Variants in PSD3 observed in about 807,000 individuals in gnomAD.
PSD3 encodes pleckstrin and Sec7 domain containing 3.
PSD3 carries 49 observed loss-of-function variants against 105.5 expected under a neutral mutation model. The observed-to-expected ratio is 0.46, with a 90% CI of 0.37 to 0.59. The LOEUF (loss-of-function observed/expected upper bound fraction) is 0.59. Among genes scored for constraint, PSD3 ranks in the 20% least tolerant of loss-of-function variants. The probability of loss-of-function intolerance (pLI) is 0.00; values close to 1 mark genes in which losing one functional copy is unlikely to be tolerated. For synonymous variants in PSD3, 557 were observed against 457.8 expected (o/e 1.22, Z -2.77); for missense variants, 1,561 against 1,263.8 (o/e 1.24, Z -3.57).
At chr8:18,840,541 G>T (rs140405447) in intron 4 of PSD3, among the ~76,000 whole-genome samples, 5,859 of 152,322 alleles carry the variant, frequency 0.038, 117 homozygotes, top group Admixed American at 0.069. Flanking sequence ...GGTCTAAGAC[G>T]TTTACAGGCA....
intron 8 of PSD3, among the ~76,000 whole-genome samples, chr8:18,789,079 G>A (rs1318735882): frequency 1.3e-5 from 2 of 152,016 alleles, no homozygotes; most frequent in African/African-American, 4.8e-5. Context: ...TCTCCCACCT[G>A]TCCTATAATA....
At chr8:18,828,042 T>C (rs1190828740) in intron 4 of PSD3, among the ~76,000 whole-genome samples, 1 of 125,910 alleles carries the variant, frequency 7.9e-6, no homozygotes, top group Non-Finnish European at 1.6e-5. Context: ...ATATAATATA[T>C]ATATGTATAT....
chr8:19,074,584 G>T (rs1366989554), intron 1 of PSD3, among the ~76,000 whole-genome samples: 37 of 99,530 alleles, frequency 3.7e-4, no homozygotes, highest in African/African-American at 1.3e-3. Context: ...TTACAACTCA[G>T]ATATATACAT....
chr8:18,888,602 C>T (rs1476036475), intron 2 of PSD3, among the ~76,000 whole-genome samples: 1 of 152,106 alleles, frequency 6.6e-6, no homozygotes, highest in Non-Finnish European at 1.5e-5. Flanking sequence ...GGTTTTATTA[C>T]TGATACTATA....
intron 7 of PSD3, 97 bp from the exon 8 acceptor site, chr8:18,799,450 A>C: frequency 1.0e-6 from 1 of 964,502 alleles, no homozygotes; most frequent in Non-Finnish European, 1.7e-6. Context: ...ACCTATGAAA[A>C]CAGTACTGTG....
At chr8:18,786,752 A>G (rs1323871997) in intron 8 of PSD3, 1 of 152,236 alleles carries the variant, frequency 6.6e-6, no homozygotes, top group Non-Finnish European at 1.5e-5. Context: ...TATGTGTTAA[A>G]AATGTCCAAC....
chr8:18,753,283 G>C (rs1052304020), intron 9 of PSD3, among the ~76,000 whole-genome samples: 2 of 151,826 alleles, frequency 1.3e-5, no homozygotes, highest in African/African-American at 4.8e-5. Context: ...GAACCCAGGA[G>C]GTGGAAGTTG....
chr8:19,028,526 T>G (rs1306042764), intron 1 of PSD3, among the ~76,000 whole-genome samples: 1 of 152,132 alleles, frequency 6.6e-6, no homozygotes, highest in Admixed American at 6.6e-5. Flanking sequence ...CAACTCCCAT[T>G]TTTTAAGATG....
chr8:18,970,149 C>T (rs1292866547), intron 1 of PSD3, among the ~76,000 whole-genome samples: 11 of 151,206 alleles, frequency 7.3e-5, no homozygotes, highest in Non-Finnish European at 1.5e-4. Flanking sequence ...CACGGTGAAA[C>T]CCCATCTCTA....
chr8:18,802,587 T>G (rs1810797464), intron 6 of PSD3, among the ~76,000 whole-genome samples: 1 of 152,152 alleles, frequency 6.6e-6, no homozygotes, highest in Admixed American at 6.5e-5. Context: ...TGATAACTGT[T>G]TTTGTTAGAA....
At chr8:18,707,660 G>A (rs1289448881) in intron 9 of PSD3, among the ~76,000 whole-genome samples, 1 of 152,136 alleles carries the variant, frequency 6.6e-6, no homozygotes, top group Non-Finnish European at 1.5e-5. Flanking sequence ...GAAGTGGTAC[G>A]GCTGGGATTC....
At chr8:18,632,324 C>A (rs1411738623) in intron 11 of PSD3, among the ~76,000 whole-genome samples, 1 of 152,024 alleles carries the variant, frequency 6.6e-6, no homozygotes, top group African/African-American at 2.4e-5. Flanking sequence ...GTGGCTGGCA[C>A]AGCAGGTAGT....
intron 12 of PSD3, among the ~76,000 whole-genome samples, chr8:18,579,354 G>C (rs1452745912): frequency 6.6e-6 from 1 of 152,164 alleles, no homozygotes; most frequent in African/African-American, 2.4e-5. Context: ...ATGTGAAACA[G>C]TGAGCAAGAT....
intron 2 of PSD3, 135 bp from the exon 3 acceptor site, chr8:18,872,868 C>G: frequency 3.5e-6 from 3 of 850,986 alleles, no homozygotes; most frequent in Non-Finnish European, 5.3e-6. Context: ...AGTCCTCCCA[C>G]CACCCTGTAA....
intron 15 of PSD3, among the ~76,000 whole-genome samples, chr8:18,536,796 C>T (rs572094265): frequency 6.6e-6 from 1 of 151,612 alleles, no homozygotes; most frequent in African/African-American, 2.4e-5. Context: ...ATATATAGAA[C>T]TATCATATAT....
intron 8 of PSD3, among the ~76,000 whole-genome samples, chr8:18,772,242 C>T (rs763324359): frequency 6.6e-6 from 1 of 152,108 alleles, no homozygotes; most frequent in African/African-American, 2.4e-5. Context: ...TATATATATA[C>T]GTGCAGAAAT....
At chr8:18,548,617 T>G (rs1800585122) in intron 15 of PSD3, among the ~76,000 whole-genome samples, 1 of 152,178 alleles carries the variant, frequency 6.6e-6, no homozygotes, top group African/African-American at 2.4e-5. Context: ...GAGCCTCCCA[T>G]TTGCGTGCCC....
chr8:18,780,299 T>C (rs1392772425), intron 8 of PSD3, among the ~76,000 whole-genome samples: 1 of 152,208 alleles, frequency 6.6e-6, no homozygotes, highest in Non-Finnish European at 1.5e-5. Flanking sequence ...TGAGTCTACG[T>C]GTCTTTACCA....
At chr8:18,591,862 T>A (rs1447833830) in intron 12 of PSD3, among the ~76,000 whole-genome samples, 1 of 152,008 alleles carries the variant, frequency 6.6e-6, no homozygotes, top group Admixed American at 6.6e-5. Context: ...CAGACAGACA[T>A]CAAAGGGTGC....
Sources: gnomAD v4.1 joint callset for allele counts (sites outside exome capture counted in the v4.1 genomes callset) on GRCh38, gnomAD v4.1.1 for gene constraint, MANE v1.5 for transcripts, NCBI Gene and HGNC (gene_info 2026-07-23, HGNC 2026-07-21) for gene names.